Variants in SEM1 observed in about 807,000 individuals in gnomAD.
SEM1 encodes 26S proteasome complex subunit SEM1.
In SEM1, 3 loss-of-function variants were observed where a neutral mutation model predicts 12.7. The ratio of observed to expected loss-of-function variants is 0.24; its 90% confidence interval spans 0.11 to 0.61. The LOEUF (loss-of-function observed/expected upper bound fraction) is 0.61. Ranked by LOEUF, SEM1 falls within the 20% of genes least tolerant of loss-of-function variation. The pLI is 0.88. For synonymous variants in SEM1, 30 were observed against 27.8 expected, an observed-to-expected ratio of 1.08 and a Z score of -0.25; for missense variants, 59 against 81.3, an observed-to-expected ratio of 0.73 and a Z score of 1.06.
At chr7:96,683,177 T>C (rs1467409002) in intron 2 of SEM1, among the ~76,000 whole-genome samples, 2 of 146,924 alleles carry the variant, frequency 1.4e-5, no homozygotes, top group African/African-American at 2.5e-5. Flanking sequence ...CTAGAAATAC[T>C]TGAAACAAGG....
chr7:96,490,169 G>A (rs10429035), intron 1 of SEM1, among the ~76,000 whole-genome samples: 57,644 of 151,920 alleles, frequency 0.38, 13,277 homozygotes, highest in African/African-American at 0.66. Context: ...TCCAATTCAC[G>A]GTCATCACAA....
chr7:96,618,391 G>A (rs113624365), downstream of SEM1, among the ~76,000 whole-genome samples: 42 of 152,180 alleles, frequency 2.8e-4, no homozygotes, highest in African/African-American at 9.2e-4. Context: ...TTTTATACTT[G>A]CCTGGGGATT....
At chr7:96,496,339 T>A in exon 1 of SEM1, 1 of 1,453,480 alleles carries the variant, frequency 6.9e-7, no homozygotes, top group Non-Finnish European at 9.3e-7. Flanking sequence ...TGTATTTGTT[T>A]CTCTGTGTGA....
At chr7:96,637,821 A>G (rs1486330375) in intron 2 of SEM1, among the ~76,000 whole-genome samples, 1 of 151,852 alleles carries the variant, frequency 6.6e-6, no homozygotes, top group Non-Finnish European at 1.5e-5. Flanking sequence ...ACCCTGGCTA[A>G]TTCTTATTCT....
intron 2 of SEM1, among the ~76,000 whole-genome samples, chr7:96,532,955 CTT>C (rs1356080524): frequency 2.0e-5 from 3 of 152,026 alleles, no homozygotes. Context: ...TAAGAAAAGA[CTT>C]TTACTTCCGC....
chr7:96,684,463 C>T (rs770482200), downstream of SEM1, among the ~76,000 whole-genome samples: 1 of 150,964 alleles, frequency 6.6e-6, no homozygotes, highest in East Asian at 2.0e-4. Context: ...GATATCTAAC[C>T]GTTTGGGGGG....
At chr7:96,673,846 G>T (rs750689069) in exon 3 of SEM1, 1 of 765,156 alleles carries the variant, frequency 1.3e-6, no homozygotes. Context: ...AATATCATCA[G>T]GAGTACAGTT....
chr7:96,586,541 T>A (rs567032416), intron 2 of SEM1, among the ~76,000 whole-genome samples: 1 of 152,336 alleles, frequency 6.6e-6, no homozygotes, highest in East Asian at 1.9e-4. Flanking sequence ...AAGATCATAC[T>A]TACATTTGAC....
At chr7:96,496,447 A>C, upstream of SEM1, 2 of 571,316 alleles carry the variant, frequency 3.5e-6, no homozygotes, top group South Asian at 2.4e-5. Flanking sequence ...CCCCCCAACA[A>C]ATGGAACATA....
At chr7:96,653,200 A>G (rs1809057958) in intron 2 of SEM1, among the ~76,000 whole-genome samples, 1 of 152,202 alleles carries the variant, frequency 6.6e-6, no homozygotes, top group African/African-American at 2.4e-5. Flanking sequence ...ATGTGCAGAC[A>G]ACTGTGGTAC....
chr7:96,587,370 T>C (rs1171933397), intron 2 of SEM1, among the ~76,000 whole-genome samples: 1 of 152,234 alleles, frequency 6.6e-6, no homozygotes, highest in Non-Finnish European at 1.5e-5. Context: ...TTCTGTTCTC[T>C]TCCTTGGAGC....
chr7:96,567,217 AT>A (rs991883103), intron 2 of SEM1, among the ~76,000 whole-genome samples: 2 of 151,660 alleles, frequency 1.3e-5, no homozygotes, highest in Admixed American at 6.6e-5. Context: ...ATATCATTAT[AT>A]TTCTTCAATT....
At chr7:96,522,449 A>G (rs1804305982) in intron 2 of SEM1, among the ~76,000 whole-genome samples, 1 of 151,918 alleles carries the variant, frequency 6.6e-6, no homozygotes, top group Admixed American at 6.6e-5. Flanking sequence ...GGACCAGGTC[A>G]TTGAGATTTA....
intron 3 of SEM1, among the ~76,000 whole-genome samples, chr7:96,503,019 G>T (rs1256042219): frequency 1.3e-5 from 2 of 152,090 alleles, no homozygotes; most frequent in South Asian, 2.1e-4. Flanking sequence ...GATTGGCAAG[G>T]TCTTCTAACA....
chr7:96,571,302 G>A (rs974718219), intron 2 of SEM1, among the ~76,000 whole-genome samples: 3 of 152,046 alleles, frequency 2.0e-5, no homozygotes, highest in Non-Finnish European at 2.9e-5. Flanking sequence ...GAATGGTATT[G>A]CCTAGGTTTT....
intron 2 of SEM1, among the ~76,000 whole-genome samples, chr7:96,656,870 TATATATAC>T (rs1276684097): frequency 2.0e-5 from 3 of 149,936 alleles, no homozygotes; most frequent in African/African-American, 4.9e-5. Flanking sequence ...TATATATATA[TATATATAC>T]ACACACACAC....
chr7:96,574,341 G>A (rs1472498104), intron 2 of SEM1, among the ~76,000 whole-genome samples: 1 of 152,168 alleles, frequency 6.6e-6, no homozygotes, highest in Non-Finnish European at 1.5e-5. Context: ...ATCACTGATG[G>A]ACATCTGGGT....
At chr7:96,679,213 C>G (rs1789533592) in intron 2 of SEM1, among the ~76,000 whole-genome samples, 2 of 151,994 alleles carry the variant, frequency 1.3e-5, no homozygotes, top group African/African-American at 4.8e-5. Flanking sequence ...CTCTGTGGCT[C>G]ATTGTAGTGG....
At chr7:96,636,405 C>G (rs758133501) in intron 2 of SEM1, among the ~76,000 whole-genome samples, 2 of 151,986 alleles carry the variant, frequency 1.3e-5, no homozygotes, top group Non-Finnish European at 2.9e-5. Flanking sequence ...TCTGTACCTT[C>G]TTAAGTCACT....
Sources: allele counts gnomAD v4.1 joint callset (sites outside exome capture counted in the v4.1 genomes callset), GRCh38; gene constraint gnomAD v4.1.1; transcripts MANE v1.5; gene names NCBI Gene and HGNC (gene_info 2026-07-23, HGNC 2026-07-21).